NRK: variants seen among roughly 807,000 people sequenced by gnomAD.
NRK encodes Nik related kinase.
In NRK, 67 loss-of-function variants were observed where a neutral mutation model predicts 125.2. The ratio of observed to expected loss-of-function variants is 0.54; its 90% CI spans 0.44 to 0.66. NRK has a LOEUF of 0.66. Among genes scored for constraint, NRK ranks in the 30% least tolerant of loss-of-function variants. NRK has a pLI of 0.00. For missense variants in NRK, 1,224 were observed against 1,192.9 expected (o/e 1.03, Z -0.38); for synonymous variants, 458 against 429.0 (o/e 1.07, Z -0.84).
intron 2 of NRK, among the ~76,000 whole-genome samples, chrX:105,857,785 C>T (rs1002249381): frequency 4.5e-5 from 5 of 111,866 alleles, no homozygotes; most frequent in Non-Finnish European, 9.4e-5. Context: ...TTTCACAAAT[C>T]TTCTGTGTCT....
chrX:105,907,985 T>C (rs2040241620), intron 11 of NRK: 1 of 208,561 alleles, frequency 4.8e-6, no homozygotes. Flanking sequence ...TCTTTAGAAT[T>C]GCAGAAATCA....
intron 2 of NRK, among the ~76,000 whole-genome samples, chrX:105,852,780 GA>G (rs1321754631): frequency 9.0e-6 from 1 of 111,631 alleles, no homozygotes; most frequent in East Asian, 2.8e-4. Flanking sequence ...AAGAAGCTCA[GA>G]AGCCAGAACA....
chrX:105,940,209 G>T (rs1228022176), intron 23 of NRK, among the ~76,000 whole-genome samples, 177 bp downstream of exon 23: 1 of 111,144 alleles, frequency 9.0e-6, no homozygotes, highest in African/African-American at 3.3e-5. Flanking sequence ...AATCAAAGAA[G>T]AGTAAATTTC....
At chrX:105,887,780 G>T (rs1191026199) in intron 4 of NRK, among the ~76,000 whole-genome samples, 1 of 111,973 alleles carries the variant, frequency 8.9e-6, no homozygotes, top group African/African-American at 3.2e-5. Flanking sequence ...ATTAGTGATT[G>T]CTTAGAGTTG....
intron 9 of NRK, 138 bp from the exon 10 acceptor site, chrX:105,905,127 T>C (rs1249307589): frequency 2.3e-6 from 1 of 442,289 alleles, no homozygotes; most frequent in Non-Finnish European, 3.9e-6. Flanking sequence ...TTGAAATACA[T>C]TCTTTTGTAT....
intron 22 of NRK, 109 bp downstream of exon 22, chrX:105,937,691 A>G (rs1034474197): frequency 4.0e-5 from 18 of 447,069 alleles, no homozygotes; most frequent in Admixed American, 9.7e-5. Flanking sequence ...CACTTTAAAT[A>G]TAACCTTTAA....
At chrX:105,948,616 CT>C (rs1346222414) in intron 26 of NRK, 4 of 486,735 alleles carry the variant, frequency 8.2e-6, no homozygotes, top group Middle Eastern at 3.2e-4. Flanking sequence ...CTTCCTTTAT[CT>C]TTTTTTTCTG....
At position 105,905,276 on chromosome X, in the gene NRK, C is replaced by G; in HGVS notation, c.778C>G (p.Leu260Val). ...ATTTCCCTTTGCAGCTCTGTGTAAC[C>G]TTCAACCCTTGGAAGCTCTCTTCGT... ...MAEGAPPLCN[L>V]QPLEALFVIL... Residue 260 changes from leucine (L) to valine (V), a missense_variant, in exon 10 of 29, where the codon CTT becomes GTT. Leu to Val is a conservative substitution (Grantham distance 32). Coordinates refer to ENST00000243300, the MANE Select transcript of NRK (RefSeq NM_198465.4). The G allele has an allele frequency of 8.3e-7, 1 of 1,205,497 alleles. No individual in the cohort carries two copies. Among genetic ancestry groups the G allele is most frequent in the Non-Finnish European group, 1.1e-6 (1 of 890,481 alleles).
At chrX:105,871,174 A>G (rs2039741875) in intron 2 of NRK, among the ~76,000 whole-genome samples, 1 of 111,662 alleles carries the variant, frequency 9.0e-6, no homozygotes, top group African/African-American at 3.3e-5. Context: ...CAATTTGGCA[A>G]GAGCCTTGGC....
At chrX:105,923,939 A>G (rs188799595) in intron 18 of NRK, among the ~76,000 whole-genome samples, 29 of 89,653 alleles carry the variant, frequency 3.2e-4, no homozygotes, top group Non-Finnish European at 4.9e-4. Flanking sequence ...GAAATTTAAG[A>G]TGATCTTTAT....
intron 2 of NRK, among the ~76,000 whole-genome samples, chrX:105,863,353 C>CACACACACACAT (rs2039626869): frequency 3.5e-5 from 3 of 85,843 alleles, no homozygotes; most frequent in African/African-American, 8.4e-5. Flanking sequence ...CACACACACA[C>CACACACACACAT]ACACATACTA....
chrX:105,898,466 C>T (rs1369749630), intron 7 of NRK, 118 bp from the exon 8 acceptor site: 8 of 606,257 alleles, frequency 1.3e-5, no homozygotes, highest in African/African-American at 2.4e-5. Context: ...GTTTGCTAGG[C>T]TGGAATGAAA....
At chrX:105,919,002 G>GAAAAAA (rs57376881) in intron 16 of NRK, among the ~76,000 whole-genome samples, 37 of 39,424 alleles carry the variant, frequency 9.4e-4, no homozygotes, top group East Asian at 2.5e-3. Flanking sequence ...ATGGTTTCCT[G>GAAAAAA]AAAAAAAAAA....
At chrX:105,879,849 A>G (rs2039863148) in intron 2 of NRK, among the ~76,000 whole-genome samples, 4 of 110,808 alleles carry the variant, frequency 3.6e-5, no homozygotes. Flanking sequence ...TTAAATGAAA[A>G]TTTTCATTTA....
chrX:105,917,799 G>A, intron 16 of NRK, 127 bp downstream of exon 16: 1 of 384,003 alleles, frequency 2.6e-6, no homozygotes, highest in Non-Finnish European at 4.5e-6. Context: ...GCCCAAGTAG[G>A]ATTAGGACCT....
In NRK at chrX:105,945,988, T is replaced by A. The variant is rs1288826334; in HGVS notation, c.4176T>A (p.Asp1392Glu). The change falls in exon 25 of 29, where the codon GAT (aspartate) becomes GAA (glutamate). Residue 1392 changes from aspartate to glutamate, a missense_variant. Physicochemically the swap from Asp to Glu is conservative, Grantham distance 45 (BLOSUM62 2). Transcript: ENST00000243300. ...ADPVNRFKRPDELLHLLKLKV... is the reference protein window; with the variant it reads ...ADPVNRFKRPEELLHLLKLKV... Reference sequence around the variant, plus strand: ...CAGTGAACCGGTTTAAGAGACCAGATGAGCTCCTTCATTTGCTGAAGCTCA... The same window carrying A: ...CAGTGAACCGGTTTAAGAGACCAGAAGAGCTCCTTCATTTGCTGAAGCTCA... The A allele has an allele frequency of 5.8e-6, 7 of 1,210,479 alleles. No individual in the cohort carries two copies. The East Asian group carries it at 1.8e-4, about 31-fold the overall frequency.
intron 2 of NRK, among the ~76,000 whole-genome samples, chrX:105,855,493 C>T (rs1273034036): frequency 2.7e-5 from 3 of 111,149 alleles, no homozygotes; most frequent in African/African-American, 9.8e-5. Context: ...AAAGCTTTAT[C>T]CTTAGGGCCT....
intron 2 of NRK, among the ~76,000 whole-genome samples, chrX:105,851,707 G>A (rs377652176): frequency 9.0e-6 from 1 of 111,060 alleles, no homozygotes; most frequent in Non-Finnish European, 1.9e-5. Context: ...AAAGCAAAGC[G>A]AGATGTAGCA....
At chrX:105,821,887 G>A (rs2039024322), upstream of NRK, among the ~76,000 whole-genome samples, 1 of 111,575 alleles carries the variant, frequency 9.0e-6, no homozygotes, top group South Asian at 3.8e-4. Context: ...AAGGCCTGCC[G>A]GGAGAAGAGT....
Sources: gnomAD v4.1 joint callset for allele counts (sites outside exome capture counted in the v4.1 genomes callset) on GRCh38, gnomAD v4.1.1 for gene constraint, MANE v1.5 for transcripts, NCBI Gene and HGNC (gene_info 2026-07-23, HGNC 2026-07-21) for gene names.